FMN2: variants seen among roughly 807,000 people sequenced by gnomAD.
FMN2 encodes formin-2.
FMN2 carries 51 observed loss-of-function variants against 142.3 expected under a neutral mutation model. The ratio of observed to expected loss-of-function variants is 0.36; its 90% CI spans 0.29 to 0.45. The LOEUF is 0.45. Ranked by LOEUF, FMN2 falls within the 20% of genes least tolerant of loss-of-function variation. The probability of loss-of-function intolerance (pLI) is 1.00; values close to 1 mark genes in which losing one functional copy is unlikely to be tolerated. For synonymous variants in FMN2, 882 were observed against 869.8 expected (o/e 1.01, Z -0.25); for missense variants, 1,936 against 2,122.8 (o/e 0.91, Z 1.73).
rs1441463347 is a variant in FMN2 at position 240,264,062 on chromosome 1, T to C, written c.4153+6030T>C. Among the ~76,000 whole-genome samples the C allele has an allele frequency of 3.9e-5, 6 of 152,358 alleles. No homozygotes were observed. In the East Asian group the frequency reaches 9.6e-4, roughly 24 times the overall value. ...AATTGTAGTTATTTTTATGTTTTAA[T>C]TTCTGAGCCTAATGATTGCTTTCCC... On this transcript the variant is annotated intron_variant, in intron 7 of 17. Coordinates refer to ENST00000319653, the MANE Select transcript of FMN2 (RefSeq NM_020066.5).
chr1:240,141,021 A>G (rs1663158176), intron 2 of FMN2, among the ~76,000 whole-genome samples: 1 of 152,206 alleles, frequency 6.6e-6, no homozygotes, highest in East Asian at 1.9e-4. Context: ...TGCTGCACTG[A>G]CTTCTATTAG....
chr1:240,413,792 T>C lies in FMN2; in HGVS notation c.4910+21230T>C, dbSNP rs562854697. Among the ~76,000 whole-genome samples the C allele has an allele frequency of 4.6e-5, 7 of 152,344 alleles. No individual in the cohort carries two copies. The South Asian group carries it at 1.0e-3, about 23-fold the overall frequency. On this transcript the variant is annotated intron_variant, in intron 15 of 17. Transcript: ENST00000319653. ...TTTTTCTTTATGTTATAAACTGCAT[T>C]CGTGCCTTCAAAAATGTTAGGATGC...
intron 16 of FMN2, among the ~76,000 whole-genome samples, chr1:240,444,367 A>G: frequency 6.6e-6 from 1 of 152,226 alleles, no homozygotes; most frequent in East Asian, 1.9e-4. Flanking sequence ...CAGACAGTCC[A>G]GAGAGCTAAG....
chr1:240,138,681 T>C (rs1340269095), intron 2 of FMN2, among the ~76,000 whole-genome samples: 1 of 152,096 alleles, frequency 6.6e-6, no homozygotes, highest in Non-Finnish European at 1.5e-5. Context: ...TACTCCAGCC[T>C]GGGCAACAGA....
chr1:240,128,634 G>A (rs1048148205), intron 2 of FMN2, among the ~76,000 whole-genome samples: 2 of 152,134 alleles, frequency 1.3e-5, no homozygotes, highest in Admixed American at 6.6e-5. Flanking sequence ...GTATGTAAAT[G>A]GACATCGGTT....
At chr1:240,260,537 C>T (rs779720620) in intron 7 of FMN2, among the ~76,000 whole-genome samples, 4 of 152,024 alleles carry the variant, frequency 2.6e-5, no homozygotes, top group Non-Finnish European at 5.9e-5. Context: ...GTTTGTTGGC[C>T]ATTTGTATAT....
intron 15 of FMN2, among the ~76,000 whole-genome samples, chr1:240,430,746 G>A (rs1044679919): frequency 3.6e-5 from 5 of 140,604 alleles, no homozygotes; most frequent in South Asian, 2.3e-4. Flanking sequence ...TCCTACCCCC[G>A]CATTGAATTG....
chr1:240,134,861 C>T (rs1253140835), intron 2 of FMN2, among the ~76,000 whole-genome samples: 1 of 152,126 alleles, frequency 6.6e-6, no homozygotes, highest in Non-Finnish European at 1.5e-5. Context: ...CTCATGCCCC[C>T]ACATCTTTCT....
chr1:240,167,944 C>T (rs1027884448), intron 2 of FMN2, among the ~76,000 whole-genome samples: 2 of 152,056 alleles, frequency 1.3e-5, no homozygotes, highest in Admixed American at 6.5e-5. Flanking sequence ...TGGTGGCACA[C>T]TCCTGTAATC....
At chr1:240,246,995 C>T (rs1668104544) in intron 6 of FMN2, among the ~76,000 whole-genome samples, 1 of 152,158 alleles carries the variant, frequency 6.6e-6, no homozygotes, top group African/African-American at 2.4e-5. Context: ...GGTTCTTCTT[C>T]TCCAAGGTGT....
rs2103154031 is a variant in FMN2, at chr1:240,091,979, T to C, written c.-131T>C. On this transcript the variant is annotated 5_prime_UTR_variant, in exon 1 of 18. Transcript: ENST00000319653. The stretch of plus-strand genomic sequence containing the variant: ...GGGGCCAGCCGGGCGCGCGTCGGCC[T>C]CCCCTCCCAGCGGCTCCCCCCGCCG... The C allele has an allele frequency of 7.3e-7, 1 of 1,361,180 alleles. No individual in the cohort carries two copies. The highest frequency in any genetic ancestry group is 9.4e-7 in the Non-Finnish European group (1 of 1,060,348). 84.3% of individuals were successfully genotyped at this position (1,361,180 alleles called of 1,614,324 possible).
At chr1:240,350,536 T>A (rs1469288335) in intron 13 of FMN2, among the ~76,000 whole-genome samples, 1 of 152,218 alleles carries the variant, frequency 6.6e-6, no homozygotes, top group Non-Finnish European at 1.5e-5. Context: ...TGAAATAATA[T>A]AATTAACAGC....
In FMN2 at chr1:240,207,749, C is replaced by G. The variant is rs149715160; in HGVS notation, c.2937C>G (p.Pro979=). The G allele has an allele frequency of 3.1e-4, 464 of 1,503,426 alleles. 5 individuals are homozygous for G. In the African/African-American group the frequency reaches 5.7e-3, roughly 19 times the overall value. The allele number at this position is 1,503,426 out of a possible 1,614,324, so 93.1% of individuals were successfully genotyped here. A position where few individuals can be genotyped will look rare whatever the true frequency, so the allele number is the denominator to read the frequency against. The change falls in exon 5 of 18, where the codon CCC becomes CCG. Residue 979 remains proline (P), a synonymous_variant. Coordinates refer to ENST00000319653, the MANE Select transcript of FMN2 (RefSeq NM_020066.5). The part of the protein sequence containing the change: ...PLPGAGIPPP[P]PLPGAGIPPP... ...CCGGAGCAGGAATACCTCCTCCACC[C>G]CCTCTACCCGGAGCGGGCATACCCC...
At chr1:240,151,298 T>C (rs1663762049) in intron 2 of FMN2, among the ~76,000 whole-genome samples, 1 of 152,180 alleles carries the variant, frequency 6.6e-6, no homozygotes, top group Non-Finnish European at 1.5e-5. Flanking sequence ...GTCACCCTAG[T>C]CTATAAGTAG....
chr1:240,294,685 GT>G (rs1669907450), intron 7 of FMN2, 136 bp from the exon 8 acceptor site: 1 of 712,316 alleles, frequency 1.4e-6, no homozygotes, highest in Non-Finnish European at 2.4e-6. Flanking sequence ...AGGCTTTGCA[GT>G]GGGGGCAAGG....
intron 6 of FMN2, among the ~76,000 whole-genome samples, chr1:240,235,610 G>A (rs1008062690): frequency 9.9e-5 from 15 of 151,688 alleles, no homozygotes; most frequent in Non-Finnish European, 2.1e-4. Flanking sequence ...TTTTAGAAAT[G>A]GGTTCTCACT....
chr1:240,455,216 A>T (rs1340713095), intron 16 of FMN2, among the ~76,000 whole-genome samples: 1 of 151,908 alleles, frequency 6.6e-6, no homozygotes, highest in Non-Finnish European at 1.5e-5. Context: ...TATAAGATAT[A>T]CTTTACTATT....
intron 6 of FMN2, among the ~76,000 whole-genome samples, chr1:240,213,678 G>T (rs1188600032): frequency 6.6e-6 from 1 of 152,212 alleles, no homozygotes; most frequent in African/African-American, 2.4e-5. Context: ...TAATGCCGTG[G>T]CATATGTTTA....
At chr1:240,126,371 C>G (rs566836349) in intron 2 of FMN2, among the ~76,000 whole-genome samples, 3 of 151,384 alleles carry the variant, frequency 2.0e-5, no homozygotes, top group Non-Finnish European at 4.4e-5. Flanking sequence ...CCTACCCCCC[C>G]CCACTTTGTT....
Sources: allele counts gnomAD v4.1 joint callset (sites outside exome capture counted in the v4.1 genomes callset), GRCh38; gene constraint gnomAD v4.1.1; transcripts MANE v1.5; gene names NCBI Gene and HGNC (gene_info 2026-07-23, HGNC 2026-07-21).